The following GLIS3 variants were observed in gnomAD, a reference collection of about 807,000 sequenced individuals.
GLIS3 encodes GLIS family zinc finger 3.
A neutral mutation model predicts 78.6 loss-of-function variants in GLIS3; 53 were observed. The observed-to-expected ratio is 0.67, with a 90% confidence interval of 0.54 to 0.85. GLIS3 has a LOEUF of 0.85. Among genes scored for constraint, GLIS3 ranks in the 40% least tolerant of loss-of-function variants. The pLI, the probability that GLIS3 is intolerant of heterozygous loss-of-function variation, is 0.00. For synonymous variants in GLIS3, 684 were observed against 509.9 expected (o/e 1.34, Z -4.60); for missense variants, 1,703 against 1,231.1 (o/e 1.38, Z -5.74).
the GLIS3 span, among the ~76,000 whole-genome samples, chr9:4,449,673 C>T: frequency 6.6e-6 from 1 of 152,242 alleles, no homozygotes; most frequent in African/African-American, 2.4e-5. Context: ...TGCTGCTCTG[C>T]AGCCTCTGCT....
At chr9:4,451,175 CA>C in the GLIS3 span, among the ~76,000 whole-genome samples, 1 of 150,926 alleles carries the variant, frequency 6.6e-6, no homozygotes, top group African/African-American at 2.4e-5. Context: ...AAATGGAAAG[CA>C]AAAAAAAGCA....
chr9:4,143,562 C>G (rs1288331796), intron 2 of GLIS3, among the ~76,000 whole-genome samples: 2 of 122,720 alleles, frequency 1.6e-5, no homozygotes, highest in African/African-American at 6.0e-5. Flanking sequence ...GCAAGACTGT[C>G]TCAAAAAAAA....
At chr9:3,997,503 C>G (rs1426567145) in intron 4 of GLIS3, among the ~76,000 whole-genome samples, 1 of 152,044 alleles carries the variant, frequency 6.6e-6, no homozygotes, top group Non-Finnish European at 1.5e-5. Context: ...GATCCTCACT[C>G]ATGACTATAC....
intron 2 of GLIS3, among the ~76,000 whole-genome samples, chr9:4,165,826 G>C (rs967701240): frequency 6.6e-6 from 1 of 152,206 alleles, no homozygotes; most frequent in Non-Finnish European, 1.5e-5. Context: ...GATTGCTCAG[G>C]CATCATGCAT....
chr9:4,166,318 A>G (rs566323188), intron 2 of GLIS3, among the ~76,000 whole-genome samples: 1 of 152,322 alleles, frequency 6.6e-6, no homozygotes, highest in South Asian at 2.1e-4. Flanking sequence ...ACTTTGATAC[A>G]GTGAAGGGTG....
intron 1 of GLIS3, among the ~76,000 whole-genome samples, chr9:4,297,359 C>G (rs115403249): frequency 0.011 from 1,640 of 152,296 alleles, 28 homozygotes; most frequent in African/African-American, 0.038. Context: ...TTGGGCAAAA[C>G]CTCTAACGTC....
chr9:3,923,439 A>G (rs149061669), intron 6 of GLIS3, among the ~76,000 whole-genome samples: 144 of 152,314 alleles, frequency 9.5e-4, no homozygotes, highest in Non-Finnish European at 1.9e-3. Context: ...ACGCCAAAAA[A>G]TCTGGAATCC....
At chr9:4,143,847 G>C (rs890811645) in intron 2 of GLIS3, among the ~76,000 whole-genome samples, 1 of 152,100 alleles carries the variant, frequency 6.6e-6, no homozygotes, top group African/African-American at 2.4e-5. Flanking sequence ...AGCATCTTTT[G>C]TCTTTTTCTA....
At chr9:4,352,570 C>T (rs1274736450), upstream of GLIS3, among the ~76,000 whole-genome samples, 1 of 152,246 alleles carries the variant, frequency 6.6e-6, no homozygotes, top group Non-Finnish European at 1.5e-5. Flanking sequence ...TTTAAGTGAA[C>T]TCTGTCTTGG....
At chr9:3,829,913 G>A (rs984399206) in intron 9 of GLIS3, among the ~76,000 whole-genome samples, 6 of 152,104 alleles carry the variant, frequency 3.9e-5, no homozygotes, top group African/African-American at 1.4e-4. Context: ...CTTGCAGAAT[G>A]CTCTTAAAAA....
chr9:4,366,189 C>A, the GLIS3 span, among the ~76,000 whole-genome samples: 6 of 152,196 alleles, frequency 3.9e-5, no homozygotes, highest in African/African-American at 1.4e-4. Context: ...TCTATCCTAT[C>A]CTTATGGCTG....
At chr9:4,375,556 TA>T in the GLIS3 span, among the ~76,000 whole-genome samples, 1 of 152,202 alleles carries the variant, frequency 6.6e-6, no homozygotes, top group East Asian at 1.9e-4. Flanking sequence ...ATCTTGTGGC[TA>T]ACAAAAGATA....
At chr9:4,165,966 G>A (rs554986503) in intron 2 of GLIS3, among the ~76,000 whole-genome samples, 1 of 152,316 alleles carries the variant, frequency 6.6e-6, no homozygotes, top group Non-Finnish European at 1.5e-5. Context: ...GAGTAGGAGG[G>A]AGCTGGGTGG....
At chr9:3,918,009 A>C (rs1824635574) in intron 6 of GLIS3, among the ~76,000 whole-genome samples, 1 of 152,196 alleles carries the variant, frequency 6.6e-6, no homozygotes, top group Non-Finnish European at 1.5e-5. Flanking sequence ...GTGGTAAGGA[A>C]CGTCTATCAA....
chr9:3,991,930 T>G (rs903820265), intron 4 of GLIS3, among the ~76,000 whole-genome samples: 2 of 152,128 alleles, frequency 1.3e-5, no homozygotes, highest in African/African-American at 4.8e-5. Context: ...GACTTCGTGA[T>G]CCGCCCGCCT....
intron 8 of GLIS3, among the ~76,000 whole-genome samples, chr9:3,866,679 A>T (rs1183559290): frequency 1.3e-5 from 2 of 152,234 alleles, no homozygotes; most frequent in East Asian, 3.8e-4. Context: ...TGTGGCTGGA[A>T]CAGATTAAAC....
chr9:3,869,343 C>T (rs999610147), intron 8 of GLIS3, among the ~76,000 whole-genome samples: 5 of 151,684 alleles, frequency 3.3e-5, no homozygotes, highest in African/African-American at 1.2e-4. Context: ...CTCAGAAAGT[C>T]CTGGAGAGGA....
intron 2 of GLIS3, among the ~76,000 whole-genome samples, chr9:4,327,117 T>G (rs1587387656): frequency 6.6e-6 from 1 of 152,198 alleles, no homozygotes; most frequent in South Asian, 2.1e-4. Context: ...GGACAGGAGC[T>G]GAGAGAAAGA....
intron 2 of GLIS3, among the ~76,000 whole-genome samples, chr9:4,187,897 C>G (rs894103459): frequency 2.6e-5 from 4 of 151,876 alleles, no homozygotes; most frequent in Non-Finnish European, 4.4e-5. Context: ...ACATTTTGGG[C>G]GGAGACCATG....
Sources: allele counts gnomAD v4.1 joint callset (sites outside exome capture counted in the v4.1 genomes callset), GRCh38; gene constraint gnomAD v4.1.1; transcripts MANE v1.5; gene names NCBI Gene and HGNC (gene_info 2026-07-23, HGNC 2026-07-21).